Variants in ZNF804B observed in about 807,000 individuals in gnomAD.
The protein encoded by ZNF804B is zinc finger 804B.
Under a neutral mutation model 101.4 loss-of-function variants are expected in ZNF804B, and 80 were observed. That is an observed-to-expected ratio of 0.79 (90% CI 0.66 to 0.95). The LOEUF is 0.95. Ranked by LOEUF, ZNF804B falls within the 40% of genes least tolerant of loss-of-function variation. The pLI, the probability that ZNF804B is intolerant of heterozygous loss-of-function variation, is 0.00. For missense variants in ZNF804B, 1,673 were observed against 1,561.9 expected, an observed-to-expected ratio of 1.07 and a Z score of -1.20; for synonymous variants, 622 against 558.8, an observed-to-expected ratio of 1.11 and a Z score of -1.59.
chr7:88,877,462 A>G (rs1791970890), intron 1 of ZNF804B, among the ~76,000 whole-genome samples: 1 of 152,128 alleles, frequency 6.6e-6, no homozygotes, highest in South Asian at 2.1e-4. Context: ...TGAAGGTATT[A>G]TAATTTGAAT....
chr7:89,127,309 T>C (rs1790487603), intron 1 of ZNF804B, among the ~76,000 whole-genome samples: 2 of 151,926 alleles, frequency 1.3e-5, no homozygotes, highest in South Asian at 4.1e-4. Context: ...TTGTTTTTGG[T>C]CTGTTTTTCA....
chr7:89,323,256 C>T (rs933477125), intron 2 of ZNF804B, among the ~76,000 whole-genome samples: 6 of 152,188 alleles, frequency 3.9e-5, no homozygotes, highest in Admixed American at 2.6e-4. Context: ...AGCTAAGCCA[C>T]CCAGTCTGTG....
chr7:89,074,970 C>T (rs1048834106), intron 1 of ZNF804B, among the ~76,000 whole-genome samples: 3 of 152,054 alleles, frequency 2.0e-5, no homozygotes, highest in African/African-American at 7.2e-5. Context: ...CCTAGAGATT[C>T]GTGAACTTTG....
At chr7:89,171,087 G>A (rs1228974829) in intron 1 of ZNF804B, among the ~76,000 whole-genome samples, 1 of 152,124 alleles carries the variant, frequency 6.6e-6, no homozygotes, top group South Asian at 2.1e-4. Context: ...CAATAAGGCT[G>A]GTCTGCCTCT....
intron 1 of ZNF804B, among the ~76,000 whole-genome samples, chr7:88,798,188 T>C (rs1400608381): frequency 1.3e-5 from 2 of 152,136 alleles, no homozygotes; most frequent in African/African-American, 4.8e-5. Flanking sequence ...TGTGTCTTTC[T>C]ACCTTTTACT....
chr7:89,109,810 A>G (rs60651818), intron 1 of ZNF804B, among the ~76,000 whole-genome samples: 2,174 of 152,182 alleles, frequency 0.014, 55 homozygotes, highest in African/African-American at 0.05. Context: ...TGGGAGATGA[A>G]ATATTTTATT....
intron 1 of ZNF804B, among the ~76,000 whole-genome samples, chr7:89,079,414 A>G (rs1789661738): frequency 6.6e-6 from 1 of 152,098 alleles, no homozygotes; most frequent in Non-Finnish European, 1.5e-5. Flanking sequence ...ACCATTAAAT[A>G]AAGACCTGAT....
chr7:89,287,335 C>A (rs145620781), intron 2 of ZNF804B, among the ~76,000 whole-genome samples: 2 of 151,916 alleles, frequency 1.3e-5, no homozygotes, highest in African/African-American at 4.8e-5. Flanking sequence ...TGCACACACA[C>A]GTATGTATGT....
chr7:89,026,196 A>T (rs1788749068), intron 1 of ZNF804B, among the ~76,000 whole-genome samples: 1 of 152,190 alleles, frequency 6.6e-6, no homozygotes, highest in Non-Finnish European at 1.5e-5. Flanking sequence ...GCATGAATAT[A>T]ACAAAATTGG....
chr7:88,962,927 C>A (rs1156301574), intron 1 of ZNF804B, among the ~76,000 whole-genome samples: 1 of 150,514 alleles, frequency 6.6e-6, no homozygotes, highest in African/African-American at 2.4e-5. Flanking sequence ...ATTTTCATAA[C>A]ATCACACAGA....
intron 1 of ZNF804B, among the ~76,000 whole-genome samples, chr7:89,179,921 C>T (rs1319303107): frequency 1.3e-5 from 2 of 152,196 alleles, no homozygotes; most frequent in Non-Finnish European, 2.9e-5. Flanking sequence ...CTTCCCTGGT[C>T]ATCTTGGCTA....
At chr7:89,059,524 G>A (rs1346274606) in intron 1 of ZNF804B, among the ~76,000 whole-genome samples, 1 of 152,050 alleles carries the variant, frequency 6.6e-6, no homozygotes, top group African/African-American at 2.4e-5. Context: ...TCACCAAGGG[G>A]ACTGCACTAA....
chr7:89,253,422 T>A (rs1230130053), intron 2 of ZNF804B, among the ~76,000 whole-genome samples: 1 of 152,166 alleles, frequency 6.6e-6, no homozygotes, highest in African/African-American at 2.4e-5. Flanking sequence ...AGAGATGCTA[T>A]TGATGTTATG....
At chr7:88,961,919 C>T (rs1793390824) in intron 1 of ZNF804B, among the ~76,000 whole-genome samples, 1 of 151,220 alleles carries the variant, frequency 6.6e-6, no homozygotes, top group South Asian at 2.1e-4. Flanking sequence ...AGTCACTTAA[C>T]GAATACCAAA....
intron 1 of ZNF804B, among the ~76,000 whole-genome samples, chr7:88,942,921 C>T (rs1455911030): frequency 2.6e-5 from 4 of 151,836 alleles, no homozygotes; most frequent in African/African-American, 9.7e-5. Flanking sequence ...GATTTGCAGT[C>T]ATGTAACATT....
chr7:89,199,462 T>G (rs1360286381), intron 1 of ZNF804B, among the ~76,000 whole-genome samples: 1 of 151,898 alleles, frequency 6.6e-6, no homozygotes, highest in African/African-American at 2.4e-5. Flanking sequence ...TATGAACAAA[T>G]TAACAGCATA....
chr7:88,876,998 G>GGAA (rs1491325023), intron 1 of ZNF804B, among the ~76,000 whole-genome samples: 1 of 53,878 alleles, frequency 1.9e-5, no homozygotes, highest in Admixed American at 2.7e-4. Flanking sequence ...GAGAATATTT[G>GGAA]AAAAAAAAAA....
At chr7:88,858,901 G>A (rs576565828) in intron 1 of ZNF804B, among the ~76,000 whole-genome samples, 1 of 152,128 alleles carries the variant, frequency 6.6e-6, no homozygotes, top group East Asian at 1.9e-4. Flanking sequence ...TATAAGGTAG[G>A]CATATTTTCA....
chr7:88,870,317 G>A (rs889092863), intron 1 of ZNF804B, among the ~76,000 whole-genome samples: 47 of 146,664 alleles, frequency 3.2e-4, no homozygotes, highest in African/African-American at 8.7e-4. Context: ...CCCGGGAGGC[G>A]GAGCTTGCAG....
Sources: allele counts gnomAD v4.1 joint callset (sites outside exome capture counted in the v4.1 genomes callset), GRCh38; gene constraint gnomAD v4.1.1; transcripts MANE v1.5; gene names NCBI Gene and HGNC (gene_info 2026-07-23, HGNC 2026-07-21).